The following ATP2B1 variants were observed in gnomAD, a reference collection of about 807,000 sequenced individuals.
ATP2B1 encodes plasma membrane calcium-transporting ATPase 1.
A neutral mutation model predicts 124.2 loss-of-function variants in ATP2B1; 14 were observed. The ratio of observed to expected loss-of-function variants is 0.11; its 90% CI spans 0.07 to 0.18. The LOEUF (loss-of-function observed/expected upper bound fraction) is 0.18, where lower values mean the gene tolerates loss of function less well. ATP2B1 is among the 10% of genes least tolerant of loss of function. The probability of loss-of-function intolerance (pLI) is 1.00; values close to 1 mark genes in which losing one functional copy is unlikely to be tolerated. For missense variants in ATP2B1, 763 were observed against 1,466.1 expected, an observed-to-expected ratio of 0.52 and a Z score of 7.83; for synonymous variants, 449 against 492.4, an observed-to-expected ratio of 0.91 and a Z score of 1.17.
chr12:89,605,929 A>G (rs889729552), intron 15 of ATP2B1, among the ~76,000 whole-genome samples: 2 of 152,208 alleles, frequency 1.3e-5, no homozygotes, highest in African/African-American at 4.8e-5. Context: ...TTGGGGATGA[A>G]TTAGTTAAGT....
At chr12:89,708,356 G>A (rs1274332877) in intron 1 of ATP2B1, among the ~76,000 whole-genome samples, 1 of 152,190 alleles carries the variant, frequency 6.6e-6, no homozygotes, top group East Asian at 1.9e-4. Context: ...CTCCCAGACT[G>A]ACCCGGCGCT....
chr12:89,693,378 T>A (rs1890755634), intron 1 of ATP2B1, among the ~76,000 whole-genome samples: 1 of 152,214 alleles, frequency 6.6e-6, no homozygotes, highest in South Asian at 2.1e-4. Flanking sequence ...AGAGTTTAAC[T>A]GGACACATTC....
At chr12:89,691,717 A>C (rs1426395398) in intron 1 of ATP2B1, among the ~76,000 whole-genome samples, 1 of 152,142 alleles carries the variant, frequency 6.6e-6, no homozygotes, top group African/African-American at 2.4e-5. Flanking sequence ...CTTAAGAGCC[A>C]TATTTCCGAC....
intron 1 of ATP2B1, among the ~76,000 whole-genome samples, chr12:89,669,305 G>A (rs1887667584): frequency 1.3e-5 from 2 of 152,158 alleles, no homozygotes; most frequent in Non-Finnish European, 2.9e-5. Flanking sequence ...ACTGCAGAAC[G>A]TGGCAATGAT....
Position 89,590,296 on chromosome 12 carries a change from CG to C in ATP2B1, c.*687del, listed in dbSNP as rs1272827479. The stretch of plus-strand genomic sequence containing the variant: ...TTTTTTTGTTTTGTTTTGTTTTTTT[CG>C]TTTTTTTAAACAAAGCATTAGTGTT... On this transcript the variant is annotated 3_prime_UTR_variant, in exon 21 of 21. Coordinates refer to ENST00000428670, the MANE Select transcript of ATP2B1 (RefSeq NM_001366521.1). The C allele has an allele frequency of 2.6e-5, 4 of 151,400 alleles. No individual in the cohort carries two copies. Among genetic ancestry groups the C allele is most frequent in the African/African-American group, 9.7e-5 (4 of 41,088 alleles). The allele number at this position is 151,400 out of a possible 1,614,324, so 9.4% of individuals were successfully genotyped here.
chr12:89,694,248 C>T (rs1890868027), intron 1 of ATP2B1, among the ~76,000 whole-genome samples: 1 of 152,162 alleles, frequency 6.6e-6, no homozygotes, highest in African/African-American at 2.4e-5. Context: ...ACTACATAAT[C>T]TGTCCTATTC....
rs923974463 is a variant in ATP2B1 at position 89,708,722 on chromosome 12, G to C, written c.-348C>G. Reference sequence around the variant, plus strand: ...CTCCGTCCTCAGCGCGTCCGCAGCCGGCTCGCAGGGCTCGGGGCGCCACGC... The same window carrying C: ...CTCCGTCCTCAGCGCGTCCGCAGCCCGCTCGCAGGGCTCGGGGCGCCACGC... On this transcript the variant is annotated 5_prime_UTR_variant, in exon 1 of 21. Transcript: ENST00000428670. 2 of 151,994 alleles carry C rather than the reference G, an allele frequency of 1.3e-5. No individual in the cohort carries two copies. The highest frequency in any genetic ancestry group is 2.9e-5 in the Non-Finnish European group (2 of 67,964). The allele number at this position is 151,994 out of a possible 1,614,324, so 9.4% of individuals were successfully genotyped here. A position where few individuals can be genotyped will look rare whatever the true frequency, so the allele number is the denominator to read the frequency against.
chr12:89,592,053 A>C (rs2135843101), intron 20 of ATP2B1, among the ~76,000 whole-genome samples: 1 of 152,174 alleles, frequency 6.6e-6, no homozygotes, highest in South Asian at 2.1e-4. Flanking sequence ...AAGAAGACAC[A>C]AAGTGTTAAA....
intron 1 of ATP2B1, among the ~76,000 whole-genome samples, chr12:89,685,618 A>G (rs1487585483): frequency 6.6e-6 from 1 of 152,096 alleles, no homozygotes; most frequent in African/African-American, 2.4e-5. Flanking sequence ...AAGCCTTCCA[A>G]GTGATTCTGG....
intron 2 of ATP2B1, among the ~76,000 whole-genome samples, chr12:89,647,320 T>G (rs949384863): frequency 6.6e-6 from 1 of 152,166 alleles, no homozygotes; most frequent in African/African-American, 2.4e-5. Context: ...GGGGTCTGAC[T>G]CCATCATTGT....
At chr12:89,665,950 TA>T (rs1887267137) in intron 1 of ATP2B1, among the ~76,000 whole-genome samples, 1 of 152,210 alleles carries the variant, frequency 6.6e-6, no homozygotes, top group Admixed American at 6.5e-5. Flanking sequence ...TTTTCTTAAT[TA>T]AAAACTCTAG....
At chr12:89,697,558 T>C (rs1891292583) in intron 1 of ATP2B1, among the ~76,000 whole-genome samples, 1 of 152,116 alleles carries the variant, frequency 6.6e-6, no homozygotes, top group Admixed American at 6.5e-5. Flanking sequence ...GAATGACAGA[T>C]GACATATCTG....
intron 9 of ATP2B1, among the ~76,000 whole-genome samples, chr12:89,622,403 C>T (rs564248588): frequency 1.3e-5 from 2 of 152,044 alleles, no homozygotes; most frequent in East Asian, 3.9e-4. Context: ...TCATCCTTAG[C>T]ATCAAACTGC....
chr12:89,600,995 A>T (rs576450702), intron 19 of ATP2B1, among the ~76,000 whole-genome samples: 1 of 152,294 alleles, frequency 6.6e-6, no homozygotes, highest in African/African-American at 2.4e-5. Flanking sequence ...GAAAATGTAA[A>T]AATAGGTTAT....
At chr12:89,651,147 A>G (rs1054408850) in intron 2 of ATP2B1, among the ~76,000 whole-genome samples, 2 of 152,372 alleles carry the variant, frequency 1.3e-5, no homozygotes, top group South Asian at 4.1e-4. Context: ...TATGAAAATT[A>G]TATCTGGTCA....
chr12:89,634,594 T>C (rs939188641), intron 5 of ATP2B1, among the ~76,000 whole-genome samples, 184 bp downstream of exon 5: 1 of 152,164 alleles, frequency 6.6e-6, no homozygotes. Context: ...TAGCTCTGCA[T>C]TCAAAGTTTT....
chr12:89,632,066 A>G (rs1011236192), intron 5 of ATP2B1, among the ~76,000 whole-genome samples: 12 of 152,130 alleles, frequency 7.9e-5, no homozygotes, highest in East Asian at 3.9e-4. Context: ...CCACATCTCT[A>G]TATCTTTTCT....
intron 1 of ATP2B1, among the ~76,000 whole-genome samples, chr12:89,669,704 A>G (rs897877425): frequency 2.0e-5 from 3 of 152,216 alleles, no homozygotes; most frequent in Non-Finnish European, 2.9e-5. Context: ...ATTAAGTGTA[A>G]TAACTATGGT....
chr12:89,609,805 A>G (rs1877648650), intron 15 of ATP2B1, 132 bp downstream of exon 15: 1 of 724,998 alleles, frequency 1.4e-6, no homozygotes, highest in African/African-American at 1.8e-5. Flanking sequence ...ATTTAAGCTT[A>G]TTAATTATCC....
Sources: gnomAD v4.1 joint callset for allele counts (sites outside exome capture counted in the v4.1 genomes callset) on GRCh38, gnomAD v4.1.1 for gene constraint, MANE v1.5 for transcripts, NCBI Gene and HGNC (gene_info 2026-07-23, HGNC 2026-07-21) for gene names.